The following SDK1 variants were observed in gnomAD, a reference collection of about 807,000 sequenced individuals.
SDK1 encodes protein sidekick-1.
In SDK1, 157 loss-of-function variants were observed where a neutral mutation model predicts 245.5. That is an observed-to-expected ratio of 0.64 (90% CI 0.56 to 0.73). The LOEUF is 0.73. Among genes scored for constraint, SDK1 ranks in the 30% least tolerant of loss-of-function variants. The probability of loss-of-function intolerance (pLI) is 0.00; values close to 1 mark genes in which losing one functional copy is unlikely to be tolerated. For missense variants in SDK1, 3,583 were observed against 3,002.3 expected (o/e 1.19, Z -4.52); for synonymous variants, 1,647 against 1,278.5 (o/e 1.29, Z -6.15).
At chr7:3,550,513 C>G (rs879510886) in intron 1 of SDK1, among the ~76,000 whole-genome samples, 5 of 152,200 alleles carry the variant, frequency 3.3e-5, no homozygotes, top group Non-Finnish European at 7.3e-5. Context: ...CTCATTGCTG[C>G]TCCTGTGCTG....
chr7:3,806,801 C>T (rs199763020), intron 4 of SDK1, among the ~76,000 whole-genome samples: 2 of 151,642 alleles, frequency 1.3e-5, no homozygotes, highest in African/African-American at 2.4e-5. Context: ...GTGGTGGAGA[C>T]GGGAAAAGTA....
At chr7:3,315,785 T>C (rs1779650325) in intron 1 of SDK1, among the ~76,000 whole-genome samples, 1 of 152,230 alleles carries the variant, frequency 6.6e-6, no homozygotes, top group Admixed American at 6.5e-5. Flanking sequence ...TAAAGTTGTT[T>C]AGTGGTTCAG....
At chr7:4,159,476 C>T (rs1284973292) in intron 31 of SDK1, among the ~76,000 whole-genome samples, 3 of 152,250 alleles carry the variant, frequency 2.0e-5, no homozygotes. Flanking sequence ...CCCAGCTGTG[C>T]TCCCAGGAAA....
chr7:3,549,409 C>T (rs1161858400), intron 1 of SDK1, among the ~76,000 whole-genome samples: 1 of 152,152 alleles, frequency 6.6e-6, no homozygotes, highest in African/African-American at 2.4e-5. Flanking sequence ...ACATAGAATT[C>T]TTTGTGAGTT....
intron 1 of SDK1, among the ~76,000 whole-genome samples, chr7:3,474,999 T>C (rs978376552): frequency 1.3e-5 from 2 of 152,328 alleles, no homozygotes; most frequent in South Asian, 4.1e-4. Context: ...CCCTGACCCA[T>C]TGTATCATCC....
chr7:4,112,713 T>G (rs1273980690), intron 23 of SDK1, among the ~76,000 whole-genome samples: 1 of 152,164 alleles, frequency 6.6e-6, no homozygotes. Context: ...ACCTGTACCT[T>G]TCTTTGAAGT....
At chr7:3,722,483 C>G (rs1264080901) in intron 4 of SDK1, among the ~76,000 whole-genome samples, 1 of 152,134 alleles carries the variant, frequency 6.6e-6, no homozygotes, top group South Asian at 2.1e-4. Context: ...GGGGACACCA[C>G]CAGGGGGAAA....
At chr7:3,552,683 T>C (rs755552554) in intron 1 of SDK1, among the ~76,000 whole-genome samples, 14 of 152,232 alleles carry the variant, frequency 9.2e-5, no homozygotes, top group Admixed American at 2.6e-4. Context: ...GTGAATCATA[T>C]TGAGCCATTT....
chr7:3,686,335 C>T (rs906747789), intron 4 of SDK1, among the ~76,000 whole-genome samples: 2 of 152,206 alleles, frequency 1.3e-5, no homozygotes, highest in African/African-American at 2.4e-5. Flanking sequence ...CTTGGCCTGC[C>T]AAACTGCTGG....
At chr7:3,537,852 C>T (rs921701917) in intron 1 of SDK1, among the ~76,000 whole-genome samples, 3 of 152,164 alleles carry the variant, frequency 2.0e-5, no homozygotes, top group Non-Finnish European at 4.4e-5. Flanking sequence ...AGAGTTGGGG[C>T]CTCCGTGCAC....
chr7:3,603,868 A>G (rs1233498877), intron 1 of SDK1, among the ~76,000 whole-genome samples: 1 of 152,148 alleles, frequency 6.6e-6, no homozygotes, highest in African/African-American at 2.4e-5. Flanking sequence ...TCAATACCTA[A>G]TTTATTGAGA....
chr7:3,939,739 G>C (rs902647927), intron 5 of SDK1, among the ~76,000 whole-genome samples: 2 of 152,228 alleles, frequency 1.3e-5, no homozygotes, highest in African/African-American at 4.8e-5. Flanking sequence ...GCCACAGCCT[G>C]AGCTATCCAG....
At chr7:3,955,741 G>A (rs1026862636) in intron 7 of SDK1, among the ~76,000 whole-genome samples, 1 of 152,242 alleles carries the variant, frequency 6.6e-6, no homozygotes, top group East Asian at 1.9e-4. Context: ...TTGGGGATGG[G>A]AGAGCAGGAA....
chr7:3,835,187 T>C (rs547352305), intron 5 of SDK1, among the ~76,000 whole-genome samples: 1 of 152,230 alleles, frequency 6.6e-6, no homozygotes, highest in African/African-American at 2.4e-5. Flanking sequence ...TCACTCTGAC[T>C]CTAAAATTCT....
intron 32 of SDK1, among the ~76,000 whole-genome samples, chr7:4,167,770 G>C (rs1156682276): frequency 6.6e-6 from 1 of 152,262 alleles, no homozygotes; most frequent in Non-Finnish European, 1.5e-5. Flanking sequence ...CGGGTCTGTG[G>C]TGCAAAGCGA....
At chr7:4,143,126 G>T (rs1779693931) in intron 28 of SDK1, among the ~76,000 whole-genome samples, 1 of 152,182 alleles carries the variant, frequency 6.6e-6, no homozygotes, top group Admixed American at 6.5e-5. Context: ...TGGGCTAGGG[G>T]CTTGGCCATG....
chr7:3,823,848 T>G (rs972962716), intron 5 of SDK1, among the ~76,000 whole-genome samples: 9 of 152,168 alleles, frequency 5.9e-5, no homozygotes, highest in Non-Finnish European at 8.8e-5. Flanking sequence ...GTAAGGAGAT[T>G]GAGGAAACTG....
intron 19 of SDK1, among the ~76,000 whole-genome samples, chr7:4,062,694 A>G (rs1451544560): frequency 6.6e-6 from 1 of 152,234 alleles, no homozygotes; most frequent in Non-Finnish European, 1.5e-5. Flanking sequence ...ACATAGACAC[A>G]AAAATCCTCA....
At chr7:3,576,606 A>G (rs1346681346) in intron 1 of SDK1, among the ~76,000 whole-genome samples, 2 of 152,012 alleles carry the variant, frequency 1.3e-5, no homozygotes, top group East Asian at 3.8e-4. Flanking sequence ...AATTTCCTAG[A>G]AAAATGTAAG....
Sources: allele counts gnomAD v4.1 joint callset (sites outside exome capture counted in the v4.1 genomes callset), GRCh38; gene constraint gnomAD v4.1.1; transcripts MANE v1.5; gene names NCBI Gene and HGNC (gene_info 2026-07-23, HGNC 2026-07-21).